The following PLXNA4 variants were observed in gnomAD, a reference collection of about 807,000 sequenced individuals.
PLXNA4 encodes plexin-A4.
PLXNA4 carries 44 observed loss-of-function variants against 191.8 expected under a neutral mutation model. The observed-to-expected ratio is 0.23, with a 90% confidence interval of 0.18 to 0.29. The LOEUF is 0.29. Ranked by LOEUF, PLXNA4 falls within the 10% of genes least tolerant of loss-of-function variation. The pLI, the probability that PLXNA4 is intolerant of heterozygous loss-of-function variation, is 1.00. For missense variants in PLXNA4, 1,800 were observed against 2,488.8 expected (o/e 0.72, Z 5.89); for synonymous variants, 1,082 against 1,009.5 (o/e 1.07, Z -1.36).
chr7:132,461,314 C>T (rs940933898), intron 3 of PLXNA4, among the ~76,000 whole-genome samples: 4 of 152,092 alleles, frequency 2.6e-5, no homozygotes, highest in Non-Finnish European at 5.9e-5. Flanking sequence ...AAGTTAAAAC[C>T]TCACTATAAG....
intron 3 of PLXNA4, among the ~76,000 whole-genome samples, chr7:132,482,636 C>T (rs1585201455): frequency 6.6e-6 from 1 of 151,922 alleles, no homozygotes; most frequent in Non-Finnish European, 1.5e-5. Context: ...ATAACTAATA[C>T]ACCTGTGTCT....
At chr7:132,457,337 C>T (rs1404852871) in intron 3 of PLXNA4, among the ~76,000 whole-genome samples, 1 of 152,202 alleles carries the variant, frequency 6.6e-6, no homozygotes, top group Non-Finnish European at 1.5e-5. Flanking sequence ...TTATTCATTA[C>T]TGCTGAAAGT....
intron 2 of PLXNA4, among the ~76,000 whole-genome samples, chr7:132,644,235 G>C (rs1221502327): frequency 6.6e-6 from 1 of 152,200 alleles, no homozygotes; most frequent in African/African-American, 2.4e-5. Flanking sequence ...GTACAATGGA[G>C]ACAGTAGCAA....
At chr7:132,428,301 G>A (rs1322652207) in intron 3 of PLXNA4, among the ~76,000 whole-genome samples, 1 of 152,222 alleles carries the variant, frequency 6.6e-6, no homozygotes, top group East Asian at 1.9e-4. Context: ...CACTCAGGCT[G>A]AAATCAGTGG....
Position 132,159,007 on chromosome 7 carries a change from C to T in PLXNA4, c.4660+466G>A, listed in dbSNP as rs535401161. 1.0e-3 allele frequency among the ~76,000 whole-genome samples: 159 copies of T among 152,292 alleles called. 2 individuals are homozygous for T. The highest frequency in any genetic ancestry group is 3.6e-3 in the African/African-American group (150 of 41,544). On this transcript the variant is annotated intron_variant, in intron 25 of 31. Transcript: ENST00000321063. ...CATTCTCTATCACTGACCCAGATCC[C>T]TCAAGCTGTAGGTATTCAGCAAAAA... is the stretch of plus-strand genomic sequence containing the variant.
At chr7:132,362,108 TC>T (rs1282194694) in intron 3 of PLXNA4, among the ~76,000 whole-genome samples, 1 of 152,080 alleles carries the variant, frequency 6.6e-6, no homozygotes, top group Non-Finnish European at 1.5e-5. Context: ...ATAGGTCCTC[TC>T]CCCTCCCCTG....
chr7:132,216,791 C>T (rs7781263), intron 9 of PLXNA4, among the ~76,000 whole-genome samples: 3 of 151,998 alleles, frequency 2.0e-5, no homozygotes, highest in Admixed American at 6.5e-5. Context: ...ACCCAATCAC[C>T]GTACTGACCT....
At chr7:132,167,554 C>T (rs12386587) in intron 22 of PLXNA4, among the ~76,000 whole-genome samples, 5 of 151,536 alleles carry the variant, frequency 3.3e-5, no homozygotes, top group Non-Finnish European at 5.9e-5. Flanking sequence ...TTTTTTTTAG[C>T]GACAGGGTCT....
intron 25 of PLXNA4, among the ~76,000 whole-genome samples, chr7:132,153,318 A>G (rs1259081872): frequency 1.3e-5 from 2 of 152,130 alleles, no homozygotes; most frequent in African/African-American, 4.8e-5. Flanking sequence ...AGAAAGATCC[A>G]GCATGCCATG....
chr7:132,415,348 G>T (rs1285476767), intron 3 of PLXNA4, among the ~76,000 whole-genome samples: 1 of 152,218 alleles, frequency 6.6e-6, no homozygotes, highest in Non-Finnish European at 1.5e-5. Context: ...GTGTGTGTGT[G>T]CACGGGTATG....
chr7:132,227,330 GC>G, intron 7 of PLXNA4, 120 bp downstream of exon 7: 1 of 1,344,774 alleles, frequency 7.4e-7, no homozygotes, highest in Non-Finnish European at 1.0e-6. Context: ...ACCATCCCAT[GC>G]CCCTTCCTCT....
At chr7:132,264,619 C>A (rs1799775981) in intron 4 of PLXNA4, among the ~76,000 whole-genome samples, 1 of 152,022 alleles carries the variant, frequency 6.6e-6, no homozygotes, top group African/African-American at 2.4e-5. Flanking sequence ...CTCCTCATGC[C>A]CTGAGCTACC....
chr7:132,194,452 T>A (rs1461544267), intron 13 of PLXNA4, among the ~76,000 whole-genome samples: 1 of 152,216 alleles, frequency 6.6e-6, no homozygotes, highest in East Asian at 1.9e-4. Flanking sequence ...AATTCATTAT[T>A]ATCTACTCAG....
intron 2 of PLXNA4, among the ~76,000 whole-genome samples, chr7:132,620,914 G>A (rs531120572): frequency 3.4e-4 from 52 of 152,096 alleles, no homozygotes; most frequent in Non-Finnish European, 6.5e-4. Flanking sequence ...GACCAATTTA[G>A]TATCCAGTAA....
At chr7:132,506,195 C>T (rs1219564943) in intron 2 of PLXNA4, among the ~76,000 whole-genome samples, 1 of 152,184 alleles carries the variant, frequency 6.6e-6, no homozygotes, top group Non-Finnish European at 1.5e-5. Flanking sequence ...CCTCCCTCTT[C>T]CCTATCTCCA....
At chr7:132,352,159 G>T (rs758614346) in intron 3 of PLXNA4, among the ~76,000 whole-genome samples, 4 of 152,186 alleles carry the variant, frequency 2.6e-5, no homozygotes, top group African/African-American at 4.8e-5. Context: ...CACTTCCCCT[G>T]CTGGCTGCCA....
upstream of PLXNA4, among the ~76,000 whole-genome samples, chr7:132,580,575 G>A (rs984039163): frequency 2.0e-5 from 3 of 152,166 alleles, no homozygotes; most frequent in African/African-American, 7.2e-5. Context: ...ACTTGGGTTG[G>A]GGTTTATTGC....
intron 3 of PLXNA4, among the ~76,000 whole-genome samples, chr7:132,393,897 G>A (rs1298310178): frequency 6.6e-6 from 1 of 152,122 alleles, no homozygotes; most frequent in Non-Finnish European, 1.5e-5. Context: ...AACAATCCAG[G>A]CTTTTCTGCC....
chr7:132,462,325 A>T (rs1796537195), intron 3 of PLXNA4, among the ~76,000 whole-genome samples: 1 of 152,254 alleles, frequency 6.6e-6, no homozygotes, highest in Admixed American at 6.5e-5. Flanking sequence ...AGCATAATTA[A>T]CAAGTGATAA....
Sources: gnomAD v4.1 joint callset for allele counts (sites outside exome capture counted in the v4.1 genomes callset) on GRCh38, gnomAD v4.1.1 for gene constraint, MANE v1.5 for transcripts, NCBI Gene and HGNC (gene_info 2026-07-23, HGNC 2026-07-21) for gene names.